Variants in HERC4 observed in about 807,000 individuals in gnomAD.
HERC4 encodes HECT and RLD domain containing E3 ubiquitin protein ligase 4, also known as probable E3 ubiquitin-protein ligase HERC4.
HERC4 carries 28 observed loss-of-function variants against 124.3 expected under a neutral mutation model. The ratio of observed to expected loss-of-function variants is 0.23; its 90% CI spans 0.17 to 0.31. The LOEUF (loss-of-function observed/expected upper bound fraction) is 0.31, where lower values mean the gene tolerates loss of function less well. Among genes scored for constraint, HERC4 ranks in the 10% least tolerant of loss-of-function variants. The pLI, the probability that HERC4 is intolerant of heterozygous loss-of-function variation, is 1.00. For missense variants in HERC4, 713 were observed against 1,229.3 expected, an observed-to-expected ratio of 0.58 and a Z score of 6.28; for synonymous variants, 407 against 421.5, an observed-to-expected ratio of 0.97 and a Z score of 0.42.
intron 4 of HERC4, chr10:68,040,321 A>G: frequency 1.0e-6 from 1 of 962,960 alleles, no homozygotes; most frequent in Non-Finnish European, 1.2e-6. Flanking sequence ...TGTGTTAAAG[A>G]AAAAACTATC....
In HERC4 at chr10:68,046,798, C is replaced by T. The variant is rs570730355; in HGVS notation, c.227-2235G>A. Among the ~76,000 whole-genome samples the T allele has an allele frequency of 2.1e-3, 322 of 152,260 alleles. 1 individual carries two copies. The highest frequency in any genetic ancestry group is 6.9e-3 in the African/African-American group (288 of 41,540). The stretch of plus-strand genomic sequence containing the variant: ...CCTGGGCAACATAGTGAGACCTCGT[C>T]TCTACAAATAATTTTTTACAAAATT... On this transcript the variant is annotated intron_variant, in intron 3 of 24. Coordinates refer to ENST00000373700, the MANE Select transcript of HERC4 (RefSeq NM_015601.4).
chr10:67,981,872 T>C (rs2035953046), intron 15 of HERC4, among the ~76,000 whole-genome samples: 5 of 151,282 alleles, frequency 3.3e-5, no homozygotes. Flanking sequence ...ATCGGGGGGG[T>C]GGAGGTTGCA....
At chr10:68,038,279 TA>T (rs2039581576) in intron 4 of HERC4, 110 bp from the exon 5 acceptor site, 3 of 469,624 alleles carry the variant, frequency 6.4e-6, no homozygotes, top group Admixed American at 4.0e-5. Flanking sequence ...TAGGTCATAT[TA>T]TTTTTTTTCA....
At chr10:68,023,434 A>C (rs1469341323) in intron 8 of HERC4, among the ~76,000 whole-genome samples, 2 of 152,226 alleles carry the variant, frequency 1.3e-5, no homozygotes, top group Non-Finnish European at 2.9e-5. Flanking sequence ...CACTACGCTG[A>C]GTGAGATAAG....
At chr10:67,993,113 G>A (rs1206521890) in intron 9 of HERC4, 1 of 152,824 alleles carries the variant, frequency 6.5e-6, no homozygotes, top group Non-Finnish European at 1.5e-5. Context: ...GGGAGGCTGA[G>A]GTGGGAGGAT....
intron 5 of HERC4, among the ~76,000 whole-genome samples, chr10:68,035,535 T>C (rs1168739628): frequency 6.6e-6 from 1 of 152,170 alleles, no homozygotes; most frequent in African/African-American, 2.4e-5. Flanking sequence ...TTTGTATACA[T>C]GCATAGAGAT....
chr10:68,056,857 C>A (rs544713301), intron 3 of HERC4, among the ~76,000 whole-genome samples: 20 of 152,256 alleles, frequency 1.3e-4, no homozygotes, highest in Admixed American at 3.9e-4. Context: ...AAAAACAAGA[C>A]AGTCACTGAG....
intron 21 of HERC4, among the ~76,000 whole-genome samples, chr10:67,939,072 A>G (rs186672414): frequency 1.3e-3 from 198 of 152,362 alleles, no homozygotes; most frequent in Non-Finnish European, 2.5e-3. Context: ...TTTTATCTAC[A>G]TCATCCAACA....
At chr10:67,932,105 G>A (rs1397889620) in intron 23 of HERC4, among the ~76,000 whole-genome samples, 4 of 151,912 alleles carry the variant, frequency 2.6e-5, no homozygotes, top group African/African-American at 9.7e-5. Context: ...TTACAGGCAC[G>A]TGCCACCACA....
chr10:68,042,522 C>T (rs1001475520), intron 4 of HERC4, among the ~76,000 whole-genome samples: 2 of 152,100 alleles, frequency 1.3e-5, no homozygotes, highest in African/African-American at 4.8e-5. Flanking sequence ...ACTAGGGAGG[C>T]TGTGGTGGGA....
chr10:67,931,668 G>A (rs529793334), intron 23 of HERC4, among the ~76,000 whole-genome samples: 1 of 151,962 alleles, frequency 6.6e-6, no homozygotes, highest in Admixed American at 6.5e-5. Context: ...CAGGTGATCC[G>A]CCCACCTTGG....
At chr10:68,000,307 G>A (rs1564530446) in intron 9 of HERC4, among the ~76,000 whole-genome samples, 1 of 152,080 alleles carries the variant, frequency 6.6e-6, no homozygotes, top group Non-Finnish European at 1.5e-5. Context: ...GGCAAGGCAC[G>A]GTGGCTCATG....
At chr10:67,928,045 A>T (rs936051444) in intron 23 of HERC4, among the ~76,000 whole-genome samples, 2 of 152,134 alleles carry the variant, frequency 1.3e-5, no homozygotes, top group Non-Finnish European at 2.9e-5. Context: ...CACACAAAGG[A>T]GGTGAGAGCA....
At chr10:68,060,401 C>G (rs2040942948) in intron 3 of HERC4, among the ~76,000 whole-genome samples, 1 of 151,972 alleles carries the variant, frequency 6.6e-6, no homozygotes, top group African/African-American at 2.4e-5. Flanking sequence ...CCATACCCAG[C>G]TAATTTTTGT....
chr10:68,037,484 T>C (rs1255984489), intron 5 of HERC4, among the ~76,000 whole-genome samples: 1 of 152,180 alleles, frequency 6.6e-6, no homozygotes, highest in Non-Finnish European at 1.5e-5. Flanking sequence ...ACTAGTAAGT[T>C]AAACTGGTAA....
In HERC4 at chr10:68,025,685, A is replaced by AC; in HGVS notation, c.778-10_778-9insG. 1 of 1,607,822 alleles carries AC rather than the reference A, an allele frequency of 6.2e-7. No homozygotes were observed. Among genetic ancestry groups the AC allele is most frequent in the Non-Finnish European group, 8.5e-7 (1 of 1,177,396 alleles). On this transcript the variant is annotated splice_polypyrimidine_tract_variant and intron_variant, in intron 7 of 24. Transcript: ENST00000373700. ...GTAAACACTCCACCTTCCTAAAAAA[A>AC]GACAAAACCCCTTATCATTAGAAGG... is the stretch of plus-strand genomic sequence containing the variant.
chr10:68,055,854 C>T lies in HERC4; in HGVS notation c.227-11291G>A, dbSNP rs182535081. Among the ~76,000 whole-genome samples the T allele has an allele frequency of 2.9e-3, 444 of 151,610 alleles. 1 individual carries two copies. The highest frequency in any genetic ancestry group is 0.01 in the African/African-American group (429 of 41,340). ...GCAACCTCTGCCTCCTGGGTTCAAGCGATTCTCCTGCCTCAACCTCCTGAG... is the reference window on the plus strand; with the variant it reads ...GCAACCTCTGCCTCCTGGGTTCAAGTGATTCTCCTGCCTCAACCTCCTGAG... On this transcript the variant is annotated intron_variant, in intron 3 of 24. Coordinates refer to ENST00000373700, the MANE Select transcript of HERC4 (RefSeq NM_015601.4).
At chr10:67,991,409 T>C (rs567014972) in intron 11 of HERC4, among the ~76,000 whole-genome samples, 1 of 152,290 alleles carries the variant, frequency 6.6e-6, no homozygotes, top group Non-Finnish European at 1.5e-5. Context: ...ATTCTAGACT[T>C]TCTTAAATAT....
chr10:67,989,105 T>C (rs2036420669), intron 14 of HERC4, among the ~76,000 whole-genome samples: 1 of 152,068 alleles, frequency 6.6e-6, no homozygotes, highest in Admixed American at 6.5e-5. Context: ...CTAAGTTATA[T>C]AAAAAACTCA....
Sources: gnomAD v4.1 joint callset for allele counts (sites outside exome capture counted in the v4.1 genomes callset) on GRCh38, gnomAD v4.1.1 for gene constraint, MANE v1.5 for transcripts, NCBI Gene and HGNC (gene_info 2026-07-23, HGNC 2026-07-21) for gene names.